The following SMARCAD1 variants were observed in gnomAD, a reference collection of about 807,000 sequenced individuals.
SMARCAD1 encodes the protein SNF2 related chromatin remodeling ATPase with DExD box 1, also known as SWI/SNF-related matrix-associated actin-dependent regulator of chromatin subfamily A containing DEAD/H box 1.
A neutral mutation model predicts 127.1 loss-of-function variants in SMARCAD1; 25 were observed. That is an observed-to-expected ratio of 0.20 (90% CI 0.14 to 0.27). The LOEUF (loss-of-function observed/expected upper bound fraction) is 0.27, where lower values mean the gene tolerates loss of function less well. SMARCAD1 is among the 10% of genes least tolerant of loss of function. The pLI is 1.00. For synonymous variants in SMARCAD1, 400 were observed against 396.9 expected (o/e 1.01, Z -0.09); for missense variants, 807 against 1,206.0 (o/e 0.67, Z 4.90).
intron 2 of SMARCAD1, among the ~76,000 whole-genome samples, chr4:94,211,044 G>A (rs1249413541): frequency 2.0e-5 from 3 of 151,912 alleles, no homozygotes; most frequent in East Asian, 1.9e-4. Flanking sequence ...AGGCTGAGGC[G>A]GGCTGATCAG....
At chr4:94,226,359 A>G (rs1744989173) in intron 3 of SMARCAD1, 63 bp downstream of exon 3, 8 of 1,332,728 alleles carry the variant, frequency 6.0e-6, no homozygotes, top group Non-Finnish European at 8.3e-6. Flanking sequence ...AAAAAAACCT[A>G]CCTAATTTGA....
chr4:94,276,493 A>G lies in SMARCAD1; in HGVS notation c.1944+19A>G. ...AATTAATGTAAGAGAATGTTTGTAA[A>G]GTTTTCCAAATTACTGTAAAATTTA... is the stretch of plus-strand genomic sequence containing the variant. On this transcript the variant is annotated intron_variant, in intron 15 of 23. Coordinates refer to ENST00000354268, the MANE Select transcript of SMARCAD1 (RefSeq NM_020159.5). The G allele has an allele frequency of 4.3e-6, 7 of 1,613,662 alleles. No individual in the cohort carries two copies. The South Asian group carries it at 4.4e-5, about 10-fold the overall frequency.
chr4:94,235,977 A>G (rs911971035), intron 4 of SMARCAD1, among the ~76,000 whole-genome samples: 2 of 152,124 alleles, frequency 1.3e-5, no homozygotes, highest in South Asian at 2.1e-4. Context: ...AGTAATCTCT[A>G]TTTCAAGTGA....
chr4:94,217,852 A>G (rs1004956660), intron 2 of SMARCAD1, among the ~76,000 whole-genome samples: 7 of 152,220 alleles, frequency 4.6e-5, no homozygotes, highest in Admixed American at 1.3e-4. Flanking sequence ...TTAATGGAGT[A>G]GAACAAATAG....
rs377400815 is a variant in SMARCAD1, at chr4:94,280,743, G to A, written c.2570G>A (p.Arg857Gln). The change falls in exon 20 of 24, where the codon CGA becomes CAA. Residue 857 changes from arginine to glutamine, a missense_variant. Arg to Gln is a conservative substitution (Grantham distance 43). This residue lies in a region of SMARCAD1 where 44 missense variants were observed against 119.1 expected (regional missense o/e 0.37). Coordinates refer to ENST00000354268, the MANE Select transcript of SMARCAD1 (RefSeq NM_020159.5). ...TTGATTTTAGATTCTGGAAAATTTC[G>A]AGTTTTAGGATGCATCTTGTCTGAA... ...MDLILDSGKF[R>Q]VLGCILSELK... The A allele has an allele frequency of 5.0e-6, 8 of 1,613,464 alleles. No homozygotes were observed. The highest frequency in any genetic ancestry group is 1.7e-5 in the Admixed American group (1 of 59,976).
At chr4:94,247,415 T>A (rs1748603171) in intron 6 of SMARCAD1, among the ~76,000 whole-genome samples, 1 of 152,184 alleles carries the variant, frequency 6.6e-6, no homozygotes. Flanking sequence ...AGAGCTGGCA[T>A]AAGTGTGGGA....
chr4:94,224,316 G>A (rs1021250550), intron 2 of SMARCAD1, among the ~76,000 whole-genome samples: 6 of 152,304 alleles, frequency 3.9e-5, no homozygotes, highest in Non-Finnish European at 7.3e-5. Flanking sequence ...AATAGTAGTT[G>A]TATAGTACTT....
chr4:94,259,318 G>A (rs1750602269), intron 9 of SMARCAD1, among the ~76,000 whole-genome samples: 1 of 152,226 alleles, frequency 6.6e-6, no homozygotes, highest in Non-Finnish European at 1.5e-5. Context: ...ATTTAAACCT[G>A]TGATATTTGG....
rs1036907390 is a variant in SMARCAD1, at chr4:94,208,156, A to T, written c.-50+86A>T. The T allele has an allele frequency of 4.5e-6, 3 of 664,044 alleles. No homozygotes were observed. The Admixed American group carries it at 6.1e-5, about 14-fold the overall frequency. 41.1% of individuals were successfully genotyped at this position (664,044 alleles called of 1,614,324 possible). A position where few individuals can be genotyped will look rare whatever the true frequency, so the allele number is the denominator to read the frequency against. ...GGCGGACGAAGGGGAGTGAAAAGCA[A>T]TGGAAAATTTTAAAAGATACCCCCG... On this transcript the variant is annotated intron_variant, in intron 1 of 23. Transcript: ENST00000354268.
intron 23 of SMARCAD1, among the ~76,000 whole-genome samples, chr4:94,288,404 C>T (rs1326462991): frequency 6.6e-6 from 1 of 152,046 alleles, no homozygotes; most frequent in Non-Finnish European, 1.5e-5. Flanking sequence ...CTGCATTCTT[C>T]CTAACATAGT....
intron 2 of SMARCAD1, among the ~76,000 whole-genome samples, chr4:94,212,439 T>G (rs1274495184): frequency 2.0e-5 from 3 of 152,072 alleles, no homozygotes; most frequent in South Asian, 4.1e-4. Context: ...CCTCTGAAAG[T>G]GCTAGGATTA....
chr4:94,238,688 A>G (rs1747099268), intron 5 of SMARCAD1, among the ~76,000 whole-genome samples: 1 of 152,204 alleles, frequency 6.6e-6, no homozygotes, highest in African/African-American at 2.4e-5. Context: ...TTGAGCTGCA[A>G]AATAGCTTGG....
At chr4:94,232,922 G>A (rs981320962) in intron 3 of SMARCAD1, among the ~76,000 whole-genome samples, 7 of 152,216 alleles carry the variant, frequency 4.6e-5, no homozygotes, top group Admixed American at 2.6e-4. Flanking sequence ...AAAGGTTGCC[G>A]TGAGCCAAGA....
Position 94,290,635 on chromosome 4 carries a change from T to C in SMARCAD1, c.*1101T>C. On this transcript the variant is annotated 3_prime_UTR_variant, in exon 24 of 24. Transcript: ENST00000354268. The stretch of plus-strand genomic sequence containing the variant: ...TTCCAATTCAGTGTGAGTGACAAAG[T>C]GAAATTTAGAAGTGAAGTTGTCTAT... 1 of 454,306 alleles carries C rather than the reference T, an allele frequency of 2.2e-6. No homozygotes were observed. Among genetic ancestry groups the C allele is most frequent in the Non-Finnish European group, 4.4e-6 (1 of 226,686 alleles). 28.1% of individuals were successfully genotyped at this position (454,306 alleles called of 1,614,324 possible). A position where few individuals can be genotyped will look rare whatever the true frequency, so the allele number is the denominator to read the frequency against.
At chr4:94,269,721 T>A (rs1752262582) in intron 10 of SMARCAD1, among the ~76,000 whole-genome samples, 1 of 152,112 alleles carries the variant, frequency 6.6e-6, no homozygotes, top group Non-Finnish European at 1.5e-5. Flanking sequence ...CAGGCTGAAG[T>A]GCAATGGCAT....
In SMARCAD1 at chr4:94,212,467, G is replaced by A. The variant is rs147470149; in HGVS notation, c.190+3883G>A. 6.7e-3 allele frequency among the ~76,000 whole-genome samples: 1,001 copies of A among 149,730 alleles called. 5 individuals carry two copies. Among genetic ancestry groups the A allele is most frequent in the Middle Eastern group, 0.062 (16 of 260 alleles). On this transcript the variant is annotated intron_variant, in intron 2 of 23. Coordinates refer to ENST00000354268, the MANE Select transcript of SMARCAD1 (RefSeq NM_020159.5). ...TAGGATTATAGGCATGAGCCACCAC[G>A]CCCAGCCCTATACATATTTATTTAT...
At position 94,290,615 on chromosome 4, in the gene SMARCAD1, A is replaced by G. The variant is rs773018992; in HGVS notation, c.*1081A>G. ...AAGAGAGAGCCATTGTTCAATTCCAATTCAGTGTGAGTGACAAAGTGAAAT... is the reference window on the plus strand; with the variant it reads ...AAGAGAGAGCCATTGTTCAATTCCAGTTCAGTGTGAGTGACAAAGTGAAAT... On this transcript the variant is annotated 3_prime_UTR_variant, in exon 24 of 24. Transcript: ENST00000354268. 1.5e-5 allele frequency: 7 copies of G among 454,308 alleles called. No homozygotes were observed. The highest frequency in any genetic ancestry group is 6.9e-5 in the East Asian group (1 of 14,412). The allele number at this position is 454,308 out of a possible 1,614,324, so 28.1% of individuals were successfully genotyped here.
intron 5 of SMARCAD1, among the ~76,000 whole-genome samples, chr4:94,237,265 T>C (rs556940736): frequency 6.6e-6 from 1 of 152,294 alleles, no homozygotes; most frequent in South Asian, 2.1e-4. Context: ...TCTCTCTTTT[T>C]AAAGTATAAT....
At chr4:94,246,341 A>C (rs1244838509) in intron 6 of SMARCAD1, among the ~76,000 whole-genome samples, 2 of 151,948 alleles carry the variant, frequency 1.3e-5, no homozygotes, top group East Asian at 1.9e-4. Context: ...GGCTGGTCTC[A>C]AACTCCTGAC....
Sources: allele counts gnomAD v4.1 joint callset (sites outside exome capture counted in the v4.1 genomes callset), GRCh38; gene constraint gnomAD v4.1.1; regional missense constraint gnomAD v4.1.1; transcripts MANE v1.5; gene names NCBI Gene and HGNC (gene_info 2026-07-23, HGNC 2026-07-21).